The following PKNOX2 variants were observed in gnomAD, a reference collection of about 807,000 sequenced individuals.
PKNOX2 encodes homeobox protein PKNOX2.
Under a neutral mutation model 53.1 loss-of-function variants are expected in PKNOX2, and 14 were observed. The observed-to-expected ratio is 0.26, with a 90% CI of 0.17 to 0.41. The LOEUF (loss-of-function observed/expected upper bound fraction) is 0.41. Among genes scored for constraint, PKNOX2 ranks in the 10% least tolerant of loss-of-function variants. The pLI is 1.00. For missense variants in PKNOX2, 496 were observed against 602.8 expected (o/e 0.82, Z 1.85); for synonymous variants, 257 against 242.8 (o/e 1.06, Z -0.54).
At chr11:125,294,319 A>G (rs1947509485) in intron 2 of PKNOX2, among the ~76,000 whole-genome samples, 1 of 152,150 alleles carries the variant, frequency 6.6e-6, no homozygotes, top group African/African-American at 2.4e-5. Flanking sequence ...CATCTTATGG[A>G]GCTTGGCGAA....
At chr11:125,181,438 G>C (rs1306426070) in intron 1 of PKNOX2, among the ~76,000 whole-genome samples, 1 of 152,050 alleles carries the variant, frequency 6.6e-6, no homozygotes, top group African/African-American at 2.4e-5. Context: ...GATAGCAGGA[G>C]AGAGGCTTTG....
chr11:125,264,595 G>T (rs1054962893), intron 2 of PKNOX2, among the ~76,000 whole-genome samples: 24 of 152,152 alleles, frequency 1.6e-4, no homozygotes, highest in African/African-American at 5.1e-4. Flanking sequence ...GGGCCGGGGG[G>T]CTGCCCAGCT....
intron 2 of PKNOX2, among the ~76,000 whole-genome samples, chr11:125,298,708 T>G (rs1373269480): frequency 6.6e-6 from 1 of 152,178 alleles, no homozygotes; most frequent in Non-Finnish European, 1.5e-5. Flanking sequence ...GATGGATGAA[T>G]GAATGAATGA....
chr11:125,277,009 T>C (rs987641463), intron 2 of PKNOX2, among the ~76,000 whole-genome samples: 3 of 152,128 alleles, frequency 2.0e-5, no homozygotes, highest in Non-Finnish European at 2.9e-5. Context: ...AAGAGGGAAG[T>C]GAACACATGC....
chr11:125,332,083 T>A (rs1950174100), intron 3 of PKNOX2, among the ~76,000 whole-genome samples, 158 bp downstream of exon 3: 1 of 152,236 alleles, frequency 6.6e-6, no homozygotes, highest in African/African-American at 2.4e-5. Context: ...CATGTCTTCA[T>A]GTCACCTCCT....
chr11:125,232,419 C>T (rs971513044), intron 1 of PKNOX2, among the ~76,000 whole-genome samples: 7 of 152,212 alleles, frequency 4.6e-5, no homozygotes, highest in African/African-American at 1.7e-4. Flanking sequence ...CATTCATCCT[C>T]ACCACCACCC....
At position 125,351,330 on chromosome 11, in the gene PKNOX2, C is replaced by G. The variant is rs911640343; in HGVS notation, c.25C>G (p.Pro9Ala). Reference protein sequence around the residue: MMQHASPAPALTMMATQNV... With the variant: MMQHASPAAALTMMATQNV... ...CATGATGCAACATGCCTCCCCAGCC[C>G]CCGCTCTGACGATGATGGCCACGCA... Residue 9 changes from proline to alanine, a missense_variant, in exon 4 of 13, where the codon CCC becomes GCC. Transcript: ENST00000298282. The G allele has an allele frequency of 5.6e-6, 9 of 1,607,992 alleles. No homozygotes were observed. The highest frequency in any genetic ancestry group is 6.8e-6 in the Non-Finnish European group (8 of 1,176,090).
rs1449611081 is a variant in PKNOX2, at chr11:125,165,967, G to A, written c.-201+1191G>A. ...CCGTCCTTTCCCGGGGCTCTTCACG[G>A]GGGAGCCGGGGGTTTCCGCGCGGTG... On this transcript the variant is annotated intron_variant, in intron 1 of 12. Transcript: ENST00000298282. This position sits in a 1 kb window ranked among gnomAD's most constrained non-coding sequence, Gnocchi z 4.5. Among the ~76,000 whole-genome samples the A allele has an allele frequency of 7.9e-5, 12 of 152,178 alleles. No homozygotes were observed. Among genetic ancestry groups the A allele is most frequent in the Non-Finnish European group, 2.9e-5 (2 of 68,030 alleles).
chr11:125,315,128 G>A (rs1949075896), intron 2 of PKNOX2, among the ~76,000 whole-genome samples: 1 of 151,820 alleles, frequency 6.6e-6, no homozygotes, highest in African/African-American at 2.4e-5. Context: ...GAGGCAGGAG[G>A]TTCACATGGG....
chr11:125,209,737 T>C (rs1234425885), intron 1 of PKNOX2, among the ~76,000 whole-genome samples: 2 of 151,898 alleles, frequency 1.3e-5, no homozygotes, highest in South Asian at 2.1e-4. Context: ...GCCATCTTTG[T>C]TGTGGAAAAA....
At chr11:125,309,865 A>C (rs1948700298) in intron 2 of PKNOX2, among the ~76,000 whole-genome samples, 1 of 152,196 alleles carries the variant, frequency 6.6e-6, no homozygotes, top group South Asian at 2.1e-4. Context: ...AATCTTTGGC[A>C]AAAATTCTCA....
chr11:125,397,161 C>T (rs1007477386), intron 6 of PKNOX2, among the ~76,000 whole-genome samples: 3 of 152,132 alleles, frequency 2.0e-5, no homozygotes, highest in Non-Finnish European at 4.4e-5. Flanking sequence ...AGCAGGCTCC[C>T]GTACAGCAAT....
At chr11:125,293,349 G>A (rs867338187) in intron 2 of PKNOX2, among the ~76,000 whole-genome samples, 3 of 152,168 alleles carry the variant, frequency 2.0e-5, no homozygotes, top group Admixed American at 6.5e-5. Flanking sequence ...TGGGGCAAGC[G>A]GGTGAAATGT....
intron 2 of PKNOX2, among the ~76,000 whole-genome samples, chr11:125,263,537 A>C (rs1270673840): frequency 6.6e-6 from 1 of 152,222 alleles, no homozygotes; most frequent in Admixed American, 6.5e-5. Context: ...CATAGCAACC[A>C]GCCAACGGGC....
chr11:125,319,546 G>C (rs189459159), intron 2 of PKNOX2, among the ~76,000 whole-genome samples: 3 of 152,242 alleles, frequency 2.0e-5, no homozygotes, highest in Non-Finnish European at 2.9e-5. Context: ...GCTACCAGGT[G>C]CTGGGGTTTC....
intron 1 of PKNOX2, among the ~76,000 whole-genome samples, chr11:125,218,468 G>A (rs554960983): frequency 3.9e-5 from 6 of 152,176 alleles, no homozygotes; most frequent in Non-Finnish European, 7.4e-5. Context: ...AGAATAGACC[G>A]TCCTGGGAAT....
At chr11:125,427,610 G>A (rs527802538) in intron 10 of PKNOX2, among the ~76,000 whole-genome samples, 1 of 152,176 alleles carries the variant, frequency 6.6e-6, no homozygotes, top group South Asian at 2.1e-4. Flanking sequence ...GTGTAGTTAG[G>A]TGACGTGCCT....
At chr11:125,274,043 C>T (rs1485623841) in intron 2 of PKNOX2, among the ~76,000 whole-genome samples, 1 of 152,206 alleles carries the variant, frequency 6.6e-6, no homozygotes, top group Non-Finnish European at 1.5e-5. Flanking sequence ...GGCTCTGGAA[C>T]CACAGGTTAG....
chr11:125,357,135 C>T (rs900453206), intron 4 of PKNOX2, among the ~76,000 whole-genome samples: 7 of 152,232 alleles, frequency 4.6e-5, no homozygotes, highest in African/African-American at 1.4e-4. Context: ...TCCCTTGCTT[C>T]GACTCACCAA....
Sources: allele counts gnomAD v4.1 joint callset (sites outside exome capture counted in the v4.1 genomes callset), GRCh38; gene constraint gnomAD v4.1.1; non-coding constraint Gnocchi (gnomAD v3.1); transcripts MANE v1.5; gene names NCBI Gene and HGNC (gene_info 2026-07-23, HGNC 2026-07-21).